The following ABI2 variants were observed in gnomAD, a reference collection of about 807,000 sequenced individuals.
ABI2 encodes the protein abl interactor 2, also known as abelson interactor 2.
Under a neutral mutation model 59.2 loss-of-function variants are expected in ABI2, and 25 were observed. That is an observed-to-expected ratio of 0.42 (90% CI 0.31 to 0.59). The LOEUF is 0.59. Ranked by LOEUF, ABI2 falls within the 20% of genes least tolerant of loss-of-function variation. The pLI, the probability that ABI2 is intolerant of heterozygous loss-of-function variation, is 0.14. For synonymous variants in ABI2, 213 were observed against 235.5 expected (o/e 0.90, Z 0.87); for missense variants, 545 against 681.8 (o/e 0.80, Z 2.23).
At chr2:203,338,984 A>ATATATT (rs1491384336) in intron 1 of ABI2, among the ~76,000 whole-genome samples, 1 of 37,518 alleles carries the variant, frequency 2.7e-5, no homozygotes, top group African/African-American at 1.1e-4. Flanking sequence ...ATATATATAA[A>ATATATT]TATATATATA....
intron 11 of ABI2, among the ~76,000 whole-genome samples, chr2:203,425,322 C>A (rs193122680): frequency 1.3e-5 from 2 of 151,908 alleles, no homozygotes; most frequent in East Asian, 3.9e-4. Flanking sequence ...CTTGCCTCAG[C>A]CTCCCAAGTA....
intron 1 of ABI2, among the ~76,000 whole-genome samples, chr2:203,330,227 C>G (rs2072179625): frequency 6.6e-6 from 1 of 151,954 alleles, no homozygotes; most frequent in Non-Finnish European, 1.5e-5. Flanking sequence ...CTGTATAAAC[C>G]TGTTCCTTCG....
chr2:203,407,045 T>C (rs552464158), intron 9 of ABI2, among the ~76,000 whole-genome samples: 1 of 152,354 alleles, frequency 6.6e-6, no homozygotes, highest in East Asian at 1.9e-4. Flanking sequence ...CTAGAATGTC[T>C]GTGAGCCAGA....
Position 203,417,074 on chromosome 2 carries a change from G to A in ABI2, c.1446G>A (p.Leu482=). ...CACCGTGGGCTCCACGTTCTTACTT[G>A]GAAAAGGGTAAGTTTCAGAAGGATA... The part of the protein sequence containing the change: ...EDPPWAPRSY[L]EKVVAIYDYT... The change falls in exon 11 of 12, where the codon TTG becomes TTA. Residue 482 remains leucine (L), a synonymous_variant. Coordinates refer to ENST00000261018, the MANE Select transcript of ABI2 (RefSeq NM_001375670.1). 6.2e-7 allele frequency: 1 copy of A among 1,608,360 alleles called. No individual in the cohort carries two copies. Among genetic ancestry groups the A allele is most frequent in the Non-Finnish European group, 8.5e-7 (1 of 1,177,622 alleles).
chr2:203,332,632 C>G (rs1473552837), intron 1 of ABI2, among the ~76,000 whole-genome samples: 1 of 152,036 alleles, frequency 6.6e-6, no homozygotes, highest in African/African-American at 2.4e-5. Context: ...CTCAAAAAAA[C>G]AAAAATTACA....
At chr2:203,394,415 A>T (rs2096892266) in intron 5 of ABI2, 1 of 323,014 alleles carries the variant, frequency 3.1e-6, no homozygotes, top group Non-Finnish European at 5.7e-6. Flanking sequence ...GGTCTGGGAA[A>T]CATTGGCTTA....
At chr2:203,373,603 A>T (rs185999290) in intron 2 of ABI2, among the ~76,000 whole-genome samples, 1 of 152,180 alleles carries the variant, frequency 6.6e-6, no homozygotes, top group Non-Finnish European at 1.5e-5. Flanking sequence ...TCCATGTTCA[A>T]GTTTGTCATG....
In ABI2 at chr2:203,384,579, G is replaced by GGT. The variant is rs2096376720; in HGVS notation, c.480+2374_480+2375insTG. Among the ~76,000 whole-genome samples the GGT allele has an allele frequency of 2.6e-5, 4 of 151,856 alleles. No individual in the cohort carries two copies. In the South Asian group the frequency reaches 8.3e-4, roughly 32 times the overall value. ...CTCACCTCGGCCTCCCAAAATGTTGGGATTACAGTTGTGAGCCACCGTGCC... is the reference window on the plus strand; with the variant it reads ...CTCACCTCGGCCTCCCAAAATGTTGGGTGATTACAGTTGTGAGCCACCGTGCC... On this transcript the variant is annotated intron_variant, in intron 4 of 11. Transcript: ENST00000261018.
chr2:203,399,003 A>G (rs1261651179), intron 8 of ABI2, among the ~76,000 whole-genome samples: 1 of 152,228 alleles, frequency 6.6e-6, no homozygotes, highest in Non-Finnish European at 1.5e-5. Flanking sequence ...AAGTTGCTAT[A>G]AACATGTACA....
At chr2:203,330,554 A>C (rs143841114) in intron 1 of ABI2, among the ~76,000 whole-genome samples, 7 of 152,310 alleles carry the variant, frequency 4.6e-5, no homozygotes, top group African/African-American at 2.4e-5. Flanking sequence ...TCTGTAGTGC[A>C]CTGCTGGTAC....
At chr2:203,371,882 T>C (rs1055389190) in intron 2 of ABI2, among the ~76,000 whole-genome samples, 9 of 152,002 alleles carry the variant, frequency 5.9e-5, no homozygotes, top group African/African-American at 1.4e-4. Flanking sequence ...AAAACTCTTA[T>C]CAGTTTGTAA....
intron 9 of ABI2, among the ~76,000 whole-genome samples, chr2:203,409,202 A>G (rs2097558282): frequency 6.6e-6 from 1 of 152,156 alleles, no homozygotes; most frequent in Non-Finnish European, 1.5e-5. Context: ...ACATATCAAC[A>G]GTTGTTGTAA....
intron 1 of ABI2, among the ~76,000 whole-genome samples, chr2:203,347,834 G>A (rs2084692042): frequency 6.6e-6 from 1 of 152,134 alleles, no homozygotes; most frequent in African/African-American, 2.4e-5. Context: ...GTTGTTTGAG[G>A]AACATTTACA....
intron 1 of ABI2, among the ~76,000 whole-genome samples, chr2:203,346,631 A>G (rs892552045): frequency 1.3e-5 from 2 of 152,158 alleles, no homozygotes; most frequent in African/African-American, 4.8e-5. Context: ...AACTCTAGGG[A>G]GTGTAAACTT....
chr2:203,404,355 C>G (rs2097342278), intron 9 of ABI2, among the ~76,000 whole-genome samples: 1 of 152,146 alleles, frequency 6.6e-6, no homozygotes, highest in Non-Finnish European at 1.5e-5. Context: ...GTGTGAATAC[C>G]AACTGCCTTA....
chr2:203,411,399 G>A, intron 10 of ABI2, 28 bp downstream of exon 10: 1 of 1,558,806 alleles, frequency 6.4e-7, no homozygotes. Context: ...TTATGCTGTA[G>A]ATCAGATTGT....
chr2:203,343,958 A>AC (rs1041118085), intron 1 of ABI2, among the ~76,000 whole-genome samples: 7 of 151,742 alleles, frequency 4.6e-5, no homozygotes, highest in Admixed American at 1.3e-4. Context: ...GACGAGAGAG[A>AC]CCCCGTCTCT....
At chr2:203,342,545 C>G (rs1002110047) in intron 1 of ABI2, among the ~76,000 whole-genome samples, 3 of 119,008 alleles carry the variant, frequency 2.5e-5, no homozygotes, top group Admixed American at 1.8e-4. Flanking sequence ...ATGTCTCCCT[C>G]AAAACCTTTT....
chr2:203,396,864 C>T lies in ABI2; in HGVS notation c.930C>T (p.Val310=), dbSNP rs1424988096. 6.5e-7 allele frequency: 1 copy of T among 1,534,984 alleles called. No individual in the cohort carries two copies. Among genetic ancestry groups the T allele is most frequent in the African/African-American group, 1.4e-5 (1 of 72,970 alleles). The change falls in exon 8 of 12, where the codon GTC becomes GTT. Residue 310 remains valine (V), a synonymous_variant. Coordinates refer to ENST00000261018, the MANE Select transcript of ABI2 (RefSeq NM_001375670.1). The part of the protein sequence containing the change: ...SAPAPLVPAT[V]PSSTAPDAAA... ...CTGCTCCTCTTGTTCCTGCTACTGTCCCTTCCTCCACTGCCCCAGACGCTG... is the reference window on the plus strand; with the variant it reads ...CTGCTCCTCTTGTTCCTGCTACTGTTCCTTCCTCCACTGCCCCAGACGCTG...
Sources: gnomAD v4.1 joint callset for allele counts (sites outside exome capture counted in the v4.1 genomes callset) on GRCh38, gnomAD v4.1.1 for gene constraint, MANE v1.5 for transcripts, NCBI Gene and HGNC (gene_info 2026-07-23, HGNC 2026-07-21) for gene names.